Variants in FBXO36 observed in about 807,000 individuals in gnomAD.
FBXO36 encodes F-box protein 36.
A neutral mutation model predicts 17.0 loss-of-function variants in FBXO36; 18 were observed. The ratio of observed to expected loss-of-function variants is 1.06; its 90% confidence interval spans 0.73 to 1.57. The LOEUF (loss-of-function observed/expected upper bound fraction) is 1.57. Ranked by LOEUF, FBXO36 falls within the 40% of genes most tolerant of loss-of-function variation. The pLI, the probability that FBXO36 is intolerant of heterozygous loss-of-function variation, is 0.00. For missense variants in FBXO36, 229 were observed against 221.9 expected (o/e 1.03, Z -0.20); for synonymous variants, 83 against 85.3 (o/e 0.97, Z 0.15).
rs531728119 is a variant in FBXO36 at position 230,004,246 on chromosome 2, C to T, written c.379-6450C>T. On this transcript the variant is annotated intron_variant, in intron 3 of 3. Coordinates refer to ENST00000283946, the MANE Select transcript of FBXO36 (RefSeq NM_174899.5). Reference sequence around the variant, plus strand: ...GGCTTTTGTGCTTGCTTGCCCCACCCCCTTGACTTGTCTCTCTGCCAAGCT... The same window carrying T: ...GGCTTTTGTGCTTGCTTGCCCCACCTCCTTGACTTGTCTCTCTGCCAAGCT... 6.6e-5 allele frequency among the ~76,000 whole-genome samples: 10 copies of T among 152,322 alleles called. No homozygotes were observed. The South Asian group carries it at 2.1e-3, about 32-fold the overall frequency.
intron 1 of FBXO36, among the ~76,000 whole-genome samples, chr2:229,941,832 C>T (rs563008093): frequency 1.7e-4 from 26 of 152,234 alleles, no homozygotes; most frequent in Middle Eastern, 3.4e-3. Flanking sequence ...GCTTGGCCAA[C>T]ATGGCGAAAC....
chr2:229,940,151 T>G (rs2076990768), intron 1 of FBXO36, among the ~76,000 whole-genome samples: 1 of 152,210 alleles, frequency 6.6e-6, no homozygotes, highest in Admixed American at 6.5e-5. Context: ...TTCTGCCTAC[T>G]GTGTCAAACT....
rs540970257 is a variant in FBXO36 at position 229,963,375 on chromosome 2, T to G, written c.97-12866T>G. Among the ~76,000 whole-genome samples, 7 of 151,780 alleles carry G rather than the reference T, an allele frequency of 4.6e-5. No homozygotes were observed. The East Asian group carries it at 1.4e-3, about 29-fold the overall frequency. On this transcript the variant is annotated intron_variant, in intron 1 of 3. Transcript: ENST00000283946. The stretch of plus-strand genomic sequence containing the variant: ...GACCGTGCCCGGCCCCCCAGGTTGT[T>G]TTTTTTAGCTTTTGCCAGTAATACC...
chr2:229,933,346 T>G (rs2076948774), intron 1 of FBXO36, among the ~76,000 whole-genome samples: 1 of 151,990 alleles, frequency 6.6e-6, no homozygotes, highest in Non-Finnish European at 1.5e-5. Context: ...TGAGCTGACA[T>G]CATACCACTT....
chr2:230,000,919 GA>G (rs2077355323), intron 3 of FBXO36, among the ~76,000 whole-genome samples: 1 of 142,708 alleles, frequency 7.0e-6, no homozygotes, highest in Non-Finnish European at 1.5e-5. Context: ...TCAGTGGTGA[GA>G]TCTCAGCTCA....
At chr2:229,936,574 AAAGAAAACT>A in intron 1 of FBXO36, among the ~76,000 whole-genome samples, 1 of 152,312 alleles carries the variant, frequency 6.6e-6, no homozygotes, top group East Asian at 1.9e-4. Context: ...ACTGTGATAA[AAAGAAAACT>A]TCAAGCTGGG....
chr2:229,940,689 A>C (rs2076993446), intron 1 of FBXO36, among the ~76,000 whole-genome samples: 1 of 152,156 alleles, frequency 6.6e-6, no homozygotes, highest in Non-Finnish European at 1.5e-5. Flanking sequence ...TGTGATGATG[A>C]AGGCAGAGAT....
chr2:230,000,143 A>T (rs1404550538), intron 3 of FBXO36, among the ~76,000 whole-genome samples: 1 of 151,966 alleles, frequency 6.6e-6, no homozygotes, highest in Non-Finnish European at 1.5e-5. Context: ...GGATCACCTG[A>T]GGTCAGGAGT....
At chr2:229,929,666 T>A (rs2076929505) in intron 1 of FBXO36, among the ~76,000 whole-genome samples, 2 of 148,672 alleles carry the variant, frequency 1.3e-5, no homozygotes, top group South Asian at 4.3e-4. Context: ...AGGTCAGGAG[T>A]TCAAGACCAG....
chr2:229,928,653 C>G (rs1421375812), intron 1 of FBXO36, among the ~76,000 whole-genome samples: 1 of 152,124 alleles, frequency 6.6e-6, no homozygotes, highest in African/African-American at 2.4e-5. Flanking sequence ...GTCCCAAACT[C>G]CTGCTGTTTT....
intron 2 of FBXO36, among the ~76,000 whole-genome samples, chr2:229,995,749 C>T (rs947243674): frequency 2.0e-5 from 3 of 151,806 alleles, no homozygotes; most frequent in Middle Eastern, 3.4e-3. Flanking sequence ...TGTGCCACCA[C>T]GCCTGGCTAA....
chr2:230,008,671 G>A lies in FBXO36; in HGVS notation c.379-2025G>A, dbSNP rs184959043. Among the ~76,000 whole-genome samples, 910 of 152,278 alleles carry A rather than the reference G, an allele frequency of 6.0e-3. 5 individuals are homozygous for A. The highest frequency in any genetic ancestry group is 0.048 in the Middle Eastern group (14 of 294). On this transcript the variant is annotated intron_variant, in intron 3 of 3. Transcript: ENST00000283946. Reference sequence around the variant, plus strand: ...ACAAGACACATTGATATCCTGAAATGTACTGTGCTAGTAATGGGATAGTAA... The same window carrying A: ...ACAAGACACATTGATATCCTGAAATATACTGTGCTAGTAATGGGATAGTAA...
intron 1 of FBXO36, among the ~76,000 whole-genome samples, chr2:229,965,486 T>A (rs2077147240): frequency 6.6e-6 from 1 of 151,760 alleles, no homozygotes; most frequent in Non-Finnish European, 1.5e-5. Flanking sequence ...TAACTCATCA[T>A]TTACATTAGG....
chr2:229,940,078 C>A (rs1382573986), intron 1 of FBXO36, among the ~76,000 whole-genome samples: 2 of 150,786 alleles, frequency 1.3e-5, no homozygotes, highest in African/African-American at 2.4e-5. Context: ...GAGACCCTGT[C>A]TCAAAAAAAT....
chr2:229,954,755 G>A (rs898706999), intron 1 of FBXO36, among the ~76,000 whole-genome samples: 1 of 149,570 alleles, frequency 6.7e-6, no homozygotes, highest in African/African-American at 2.5e-5. Flanking sequence ...CACCGTGTTA[G>A]CCAGGATGGA....
chr2:229,958,294 TCTCA>T (rs1302511985), intron 1 of FBXO36, among the ~76,000 whole-genome samples: 7 of 125,172 alleles, frequency 5.6e-5, no homozygotes, highest in African/African-American at 1.6e-4. Context: ...TGAGTCAGAG[TCTCA>T]CTCACTCTGT....
intron 2 of FBXO36, among the ~76,000 whole-genome samples, chr2:229,995,678 C>G (rs1176290806): frequency 1.3e-5 from 2 of 149,928 alleles, no homozygotes; most frequent in Non-Finnish European, 3.0e-5. Flanking sequence ...CCGCAACCTC[C>G]GCCTCCCGGG....
intron 1 of FBXO36, among the ~76,000 whole-genome samples, chr2:229,942,026 A>G (rs141994350): frequency 2.0e-5 from 3 of 152,290 alleles, no homozygotes; most frequent in East Asian, 1.9e-4. Context: ...AAAAGAAAAA[A>G]AAAAAATTTA....
intron 3 of FBXO36, among the ~76,000 whole-genome samples, chr2:230,002,942 C>T (rs1577364761): frequency 6.6e-6 from 1 of 152,092 alleles, no homozygotes; most frequent in African/African-American, 2.4e-5. Flanking sequence ...AATATTCCTT[C>T]TTGGCTGGGC....
Sources: gnomAD v4.1 joint callset for allele counts (sites outside exome capture counted in the v4.1 genomes callset) on GRCh38, gnomAD v4.1.1 for gene constraint, MANE v1.5 for transcripts, NCBI Gene and HGNC (gene_info 2026-07-23, HGNC 2026-07-21) for gene names.